HEPHL1: variants seen among roughly 807,000 people sequenced by gnomAD.
HEPHL1 encodes hephaestin like 1.
In HEPHL1, 123 loss-of-function variants were observed where a neutral mutation model predicts 122.0. The observed-to-expected ratio is 1.01, with a 90% CI of 0.87 to 1.17. HEPHL1 has a LOEUF of 1.17. Among genes scored for constraint, HEPHL1 ranks in the 50% most tolerant of loss-of-function variants. The pLI, the probability that HEPHL1 is intolerant of heterozygous loss-of-function variation, is 0.00. For synonymous variants in HEPHL1, 527 were observed against 508.9 expected (o/e 1.04, Z -0.48); for missense variants, 1,452 against 1,430.5 (o/e 1.01, Z -0.24).
At chr11:94,096,757 G>A (rs918784080) in intron 13 of HEPHL1, among the ~76,000 whole-genome samples, 1 of 152,198 alleles carries the variant, frequency 6.6e-6, no homozygotes, top group Non-Finnish European at 1.5e-5. Context: ...GAGGGTGTAT[G>A]TGTCGAGGAA....
intron 2 of HEPHL1, among the ~76,000 whole-genome samples, chr11:94,054,601 A>G (rs1402579061): frequency 6.6e-6 from 1 of 152,182 alleles, no homozygotes; most frequent in African/African-American, 2.4e-5. Flanking sequence ...TACCTTTTCA[A>G]TTCAGCTGCA....
chr11:94,094,003 T>G (rs1565360525), intron 13 of HEPHL1, among the ~76,000 whole-genome samples: 1 of 115,368 alleles, frequency 8.7e-6, no homozygotes, highest in Non-Finnish European at 1.8e-5. Flanking sequence ...TATATATATA[T>G]ATATATATAT....
chr11:94,096,725 C>A (rs1342834071), intron 13 of HEPHL1, among the ~76,000 whole-genome samples: 1 of 152,156 alleles, frequency 6.6e-6, no homozygotes, highest in Non-Finnish European at 1.5e-5. Flanking sequence ...AGTAATTCAA[C>A]TTCTTCCTGG....
At chr11:94,094,974 T>G (rs1254748760) in intron 13 of HEPHL1, among the ~76,000 whole-genome samples, 1 of 152,244 alleles carries the variant, frequency 6.6e-6, no homozygotes, top group African/African-American at 2.4e-5. Flanking sequence ...TAGTTTCTTT[T>G]GCTGTGCAGG....
At chr11:94,033,819 G>C in intron 1 of HEPHL1, among the ~76,000 whole-genome samples, 1 of 152,106 alleles carries the variant, frequency 6.6e-6, no homozygotes, top group Non-Finnish European at 1.5e-5. Flanking sequence ...TGTTTAAAGG[G>C]GTATTGTCTT....
At chr11:94,111,143 AC>A in intron 18 of HEPHL1, 78 bp downstream of exon 18, 1 of 1,200,556 alleles carries the variant, frequency 8.3e-7, no homozygotes, top group Non-Finnish European at 1.2e-6. Context: ...CATGACAAAA[AC>A]CCAGATATAG....
chr11:94,062,149 A>T (rs1248003418), intron 2 of HEPHL1, among the ~76,000 whole-genome samples: 5 of 152,206 alleles, frequency 3.3e-5, no homozygotes, highest in Non-Finnish European at 5.9e-5. Context: ...ATAAGTAGAA[A>T]ATAGTTTGTA....
At chr11:94,083,680 T>C (rs1946192236) in intron 10 of HEPHL1, among the ~76,000 whole-genome samples, 1 of 152,218 alleles carries the variant, frequency 6.6e-6, no homozygotes, top group African/African-American at 2.4e-5. Flanking sequence ...AAGTGCCCCA[T>C]GGCAACCAGG....
chr11:94,089,400 G>C (rs74869930), intron 12 of HEPHL1, among the ~76,000 whole-genome samples: 3,822 of 152,280 alleles, frequency 0.025, 161 homozygotes, highest in African/African-American at 0.088. Flanking sequence ...TGCTCTAAGT[G>C]GGGGACCACC....
intron 4 of HEPHL1, among the ~76,000 whole-genome samples, chr11:94,066,043 A>C (rs1000096570): frequency 5.9e-5 from 9 of 151,992 alleles, no homozygotes; most frequent in African/African-American, 1.7e-4. Flanking sequence ...CAAACAACAA[A>C]AAAAATCAGC....
chr11:94,066,582 G>C (rs1024213004), intron 4 of HEPHL1, among the ~76,000 whole-genome samples: 4 of 151,810 alleles, frequency 2.6e-5, no homozygotes, highest in Non-Finnish European at 5.9e-5. Context: ...AGAGAGACTG[G>C]AAAAAGAGAC....
intron 10 of HEPHL1, among the ~76,000 whole-genome samples, chr11:94,084,359 AATAAATAAATAAATAAATAT>A (rs1387821172): frequency 2.8e-4 from 42 of 150,656 alleles, no homozygotes; most frequent in African/African-American, 1.0e-3. Flanking sequence ...TAAATAAATA[AATAAATAAATAAATAAATAT>A]ATAAATACAG....
At chr11:94,072,846 C>G (rs1341856327) in intron 6 of HEPHL1, among the ~76,000 whole-genome samples, 179 bp from the exon 7 acceptor site, 2 of 152,126 alleles carry the variant, frequency 1.3e-5, no homozygotes, top group Non-Finnish European at 2.9e-5. Flanking sequence ...TATCACCCAG[C>G]CTCTGAAGAC....
intron 1 of HEPHL1, among the ~76,000 whole-genome samples, chr11:94,024,565 A>C (rs1945607993): frequency 6.6e-6 from 1 of 152,048 alleles, no homozygotes; most frequent in African/African-American, 2.4e-5. Context: ...AGTAGTCTTT[A>C]TTTTTCTTTC....
chr11:94,086,277 C>T, intron 11 of HEPHL1, 88 bp downstream of exon 11: 1 of 931,686 alleles, frequency 1.1e-6, no homozygotes, highest in East Asian at 2.6e-5. Context: ...AATTGGTAGA[C>T]TTTGTGCACT....
In HEPHL1 at chr11:94,110,930, T is replaced by C; in HGVS notation, c.3073T>C (p.Tyr1025His). Residue 1025 changes from tyrosine to histidine, a missense_variant, in exon 18 of 20, where the codon TAT becomes CAT. Physicochemically the swap from Tyr to His is moderately conservative, Grantham distance 83. Coordinates refer to ENST00000315765, the MANE Select transcript of HEPHL1 (RefSeq NM_001098672.2). ...AGATAAATCTTACCGAGAAGATGTG[T>C]ATGATCTCTTTCCTGGGACATTCCA... ...KIDKSYREDV[Y>H]DLFPGTFQTI... 6.2e-7 allele frequency: 1 copy of C among 1,613,230 alleles called. No individual in the cohort carries two copies. The highest frequency in any genetic ancestry group is 8.5e-7 in the Non-Finnish European group (1 of 1,179,558).
rs186399313 is a variant in HEPHL1, at chr11:94,071,647, A to C, written c.1232+1105A>C. Among the ~76,000 whole-genome samples the C allele has an allele frequency of 1.6e-3, 249 of 152,296 alleles. 1 individual carries two copies. The highest frequency in any genetic ancestry group is 5.8e-3 in the African/African-American group (240 of 41,568). On this transcript the variant is annotated intron_variant, in intron 6 of 19. Coordinates refer to ENST00000315765, the MANE Select transcript of HEPHL1 (RefSeq NM_001098672.2). The stretch of plus-strand genomic sequence containing the variant: ...GGATGCAAGGATATCTAAAGCAATA[A>C]AATGCAGAGGAAGAAGCTGGGTTCA...
chr11:94,084,337 TAAA>T (rs1225753730), intron 10 of HEPHL1, among the ~76,000 whole-genome samples: 1 of 14,766 alleles, frequency 6.8e-5, no homozygotes, highest in Non-Finnish European at 1.1e-4. Flanking sequence ...TCTCTCTGTT[TAAA>T]TAAATAAATA....
chr11:94,111,463 A>G, intron 18 of HEPHL1, 74 bp from the exon 19 acceptor site: 1 of 1,176,250 alleles, frequency 8.5e-7, no homozygotes, highest in South Asian at 1.3e-5. Context: ...CGCTGGTGAA[A>G]TGAAATGACT....
Sources: gnomAD v4.1 joint callset for allele counts (sites outside exome capture counted in the v4.1 genomes callset) on GRCh38, gnomAD v4.1.1 for gene constraint, MANE v1.5 for transcripts, NCBI Gene and HGNC (gene_info 2026-07-23, HGNC 2026-07-21) for gene names.